EVA1C: variants seen among roughly 807,000 people sequenced by gnomAD.
EVA1C encodes the protein eva-1 homolog C.
A neutral mutation model predicts 45.4 loss-of-function variants in EVA1C; 25 were observed. That is an observed-to-expected ratio of 0.55 (90% CI 0.40 to 0.77). EVA1C has a LOEUF of 0.77. Among genes scored for constraint, EVA1C ranks in the 30% least tolerant of loss-of-function variants. EVA1C has a pLI of 0.00. For synonymous variants in EVA1C, 190 were observed against 221.2 expected, an observed-to-expected ratio of 0.86 and a Z score of 1.25; for missense variants, 479 against 554.8, an observed-to-expected ratio of 0.86 and a Z score of 1.37.
intron 4 of EVA1C, among the ~76,000 whole-genome samples, chr21:32,487,135 AAATTAGCT>A (rs1489681378): frequency 6.6e-6 from 1 of 152,166 alleles, no homozygotes; most frequent in East Asian, 1.9e-4. Flanking sequence ...TTATTCATTA[AAATTAGCT>A]CCTTTTAACC....
At chr21:32,414,049 A>G (rs951782859) in intron 1 of EVA1C, among the ~76,000 whole-genome samples, 1 of 152,238 alleles carries the variant, frequency 6.6e-6, no homozygotes, top group African/African-American at 2.4e-5. Flanking sequence ...ATAGCAAAGA[A>G]CAAGGGCAAA....
At chr21:32,509,505 A>G (rs9978838) in intron 7 of EVA1C, among the ~76,000 whole-genome samples, 85,558 of 152,086 alleles carry the variant, frequency 0.56, 26,042 homozygotes, top group African/African-American at 0.8. Context: ...CCCCATCCCC[A>G]GGCGCCAAGC....
At chr21:32,416,341 C>CTTTTT (rs2034046662) in intron 1 of EVA1C, among the ~76,000 whole-genome samples, 2 of 56,808 alleles carry the variant, frequency 3.5e-5, no homozygotes, top group African/African-American at 7.1e-5. Context: ...TTTTTTTTTT[C>CTTTTT]TTTTTGAGAC....
chr21:32,451,980 G>T (rs1231936958), intron 1 of EVA1C, among the ~76,000 whole-genome samples: 1 of 152,134 alleles, frequency 6.6e-6, no homozygotes, highest in African/African-American at 2.4e-5. Flanking sequence ...CCTGCACCAC[G>T]CCCTTGGAGC....
intron 7 of EVA1C, among the ~76,000 whole-genome samples, chr21:32,511,513 C>T (rs568671363): frequency 3.3e-5 from 5 of 150,296 alleles, no homozygotes; most frequent in Non-Finnish European, 7.4e-5. Context: ...ACAGGCAACC[C>T]AGAAAAAAAA....
chr21:32,493,194 C>T (rs1233507684), intron 4 of EVA1C, among the ~76,000 whole-genome samples: 1 of 152,170 alleles, frequency 6.6e-6, no homozygotes, highest in Non-Finnish European at 1.5e-5. Context: ...ATTCTCTCCT[C>T]TTCCATTCCT....
chr21:32,450,766 G>A (rs2035551400), intron 1 of EVA1C, among the ~76,000 whole-genome samples: 1 of 152,086 alleles, frequency 6.6e-6, no homozygotes, highest in Non-Finnish European at 1.5e-5. Flanking sequence ...CTGACCAGAG[G>A]CCCAGGGCCA....
intron 1 of EVA1C, among the ~76,000 whole-genome samples, chr21:32,416,968 TG>T (rs2034073645): frequency 6.6e-6 from 1 of 152,178 alleles, no homozygotes; most frequent in African/African-American, 2.4e-5. Context: ...GTGTTGTTGT[TG>T]TTTTTTAATG....
intron 1 of EVA1C, among the ~76,000 whole-genome samples, chr21:32,429,313 T>C (rs2034609549): frequency 1.3e-5 from 2 of 151,162 alleles, no homozygotes; most frequent in African/African-American, 4.9e-5. Flanking sequence ...AGTGCTGGGA[T>C]TTCAGGCGTG....
intron 3 of EVA1C, among the ~76,000 whole-genome samples, chr21:32,466,306 C>G (rs2036170821): frequency 6.6e-6 from 1 of 151,648 alleles, no homozygotes; most frequent in Non-Finnish European, 1.5e-5. Flanking sequence ...GTAGTCCCAG[C>G]TACTTGGGAG....
intron 4 of EVA1C, 35 bp downstream of exon 4, chr21:32,467,883 T>C (rs756481157): frequency 1.3e-6 from 2 of 1,517,370 alleles, no homozygotes; most frequent in Non-Finnish European, 1.8e-6. Context: ...GCCAGGGTTC[T>C]CTAGAGGGAC....
chr21:32,429,434 A>G (rs1717034941), intron 1 of EVA1C, among the ~76,000 whole-genome samples: 1 of 150,998 alleles, frequency 6.6e-6, no homozygotes, highest in African/African-American at 2.4e-5. Context: ...GCTCACTGCT[A>G]CTTCTGCCTC....
chr21:32,420,687 C>G (rs1422869132), intron 1 of EVA1C, among the ~76,000 whole-genome samples: 1 of 152,190 alleles, frequency 6.6e-6, no homozygotes, highest in Non-Finnish European at 1.5e-5. Context: ...AGCCACTGTG[C>G]CTGGCCCTAA....
chr21:32,479,006 A>C (rs182034762), intron 4 of EVA1C, among the ~76,000 whole-genome samples: 11 of 152,386 alleles, frequency 7.2e-5, no homozygotes, highest in Non-Finnish European at 1.5e-4. Context: ...CTAAATAAAC[A>C]CAGGTTGGAA....
chr21:32,456,017 C>A (rs565453442), intron 2 of EVA1C, among the ~76,000 whole-genome samples: 30 of 152,204 alleles, frequency 2.0e-4, no homozygotes, highest in African/African-American at 6.5e-4. Flanking sequence ...CTCAGCCTCC[C>A]GAGTAGCTGG....
At chr21:32,435,287 C>T (rs1175779975) in intron 1 of EVA1C, among the ~76,000 whole-genome samples, 4 of 152,126 alleles carry the variant, frequency 2.6e-5, no homozygotes, top group African/African-American at 7.2e-5. Flanking sequence ...CTCCTGGCCT[C>T]GAGCTACCCT....
At chr21:32,447,830 C>T (rs778418586) in intron 1 of EVA1C, among the ~76,000 whole-genome samples, 5 of 152,154 alleles carry the variant, frequency 3.3e-5, no homozygotes, top group African/African-American at 4.8e-5. Flanking sequence ...CTCAGCCTCC[C>T]GAGTAACTGG....
At chr21:32,465,591 G>A (rs917638133) in intron 3 of EVA1C, among the ~76,000 whole-genome samples, 3 of 152,114 alleles carry the variant, frequency 2.0e-5, no homozygotes, top group East Asian at 1.9e-4. Flanking sequence ...ATAAATGACC[G>A]TGGTCCCCTT....
intron 1 of EVA1C, among the ~76,000 whole-genome samples, chr21:32,424,603 AATG>A (rs1365596167): frequency 6.6e-6 from 1 of 152,186 alleles, no homozygotes; most frequent in Non-Finnish European, 1.5e-5. Flanking sequence ...TTCCAAAGCT[AATG>A]ATGCAAAATG....
Sources: gnomAD v4.1 joint callset for allele counts (sites outside exome capture counted in the v4.1 genomes callset) on GRCh38, gnomAD v4.1.1 for gene constraint, MANE v1.5 for transcripts, NCBI Gene and HGNC (gene_info 2026-07-23, HGNC 2026-07-21) for gene names.